Variants in SUPT20H observed in about 807,000 individuals in gnomAD.
SUPT20H encodes the protein transcription factor SPT20 homolog.
A neutral mutation model predicts 122.8 loss-of-function variants in SUPT20H; 82 were observed. That is an observed-to-expected ratio of 0.67 (90% CI 0.56 to 0.80). SUPT20H has a LOEUF of 0.80. Among genes scored for constraint, SUPT20H ranks in the 30% least tolerant of loss-of-function variants. The pLI is 0.00. For synonymous variants in SUPT20H, 291 were observed against 313.0 expected (o/e 0.93, Z 0.74); for missense variants, 831 against 921.6 (o/e 0.90, Z 1.27).
intron 23 of SUPT20H, among the ~76,000 whole-genome samples, chr13:37,015,572 T>C (rs192422782): frequency 2.0e-5 from 3 of 151,922 alleles, no homozygotes; most frequent in African/African-American, 4.8e-5. Flanking sequence ...GATCTCTGTA[T>C]GTTGTTGATG....
At chr13:37,020,537 C>A (rs2061330471) in intron 21 of SUPT20H, among the ~76,000 whole-genome samples, 1 of 152,108 alleles carries the variant, frequency 6.6e-6, no homozygotes, top group South Asian at 2.1e-4. Context: ...ACTGGTACAA[C>A]TAGTAGTTAC....
At chr13:37,017,224 G>A in intron 23 of SUPT20H, 21 bp downstream of exon 23, 1 of 1,613,910 alleles carries the variant, frequency 6.2e-7, no homozygotes, top group Non-Finnish European at 8.5e-7. Flanking sequence ...AAAAGCATAT[G>A]GAAGGCTAGA....
chr13:37,012,500 C>T, intron 23 of SUPT20H: 1 of 424,272 alleles, frequency 2.4e-6, no homozygotes, highest in South Asian at 3.9e-5. Context: ...CTTCATTTTT[C>T]AGTGCATCTG....
intron 1 of SUPT20H, among the ~76,000 whole-genome samples, chr13:37,057,973 CA>C (rs34624589): frequency 3.7e-4 from 36 of 98,036 alleles, no homozygotes; most frequent in Admixed American, 9.3e-4. Flanking sequence ...GACTCCGTCT[CA>C]AAAAAAAAAA....
chr13:37,040,811 T>C, intron 7 of SUPT20H, 119 bp from the exon 8 acceptor site: 3 of 694,640 alleles, frequency 4.3e-6, no homozygotes, highest in Non-Finnish European at 7.6e-6. Flanking sequence ...CTCATGTATG[T>C]ACTCTTCAGT....
Position 37,025,304 on chromosome 13 carries a change from CAT to C in SUPT20H, c.1329+14_1329+15del. On this transcript the variant is annotated intron_variant, in intron 17 of 25. Transcript: ENST00000350612. ...GAAACAACTGGGCACAAAGAAGTAACATTAATGAAACACACATCTGTTTCTTT... is the reference window on the plus strand; with the variant it reads ...GAAACAACTGGGCACAAAGAAGTAACTAATGAAACACACATCTGTTTCTTT... 6.4e-7 allele frequency: 1 copy of C among 1,565,572 alleles called. No individual in the cohort carries two copies. The highest frequency in any genetic ancestry group is 2.2e-5 in the East Asian group (1 of 44,598).
intron 7 of SUPT20H, 47 bp from the exon 8 acceptor site, chr13:37,040,739 T>A: frequency 6.9e-7 from 1 of 1,443,380 alleles, no homozygotes; most frequent in Non-Finnish European, 9.7e-7. Context: ...TCCAAAAGCC[T>A]AAATAAGTGG....
intron 24 of SUPT20H, 48 bp downstream of exon 24, chr13:37,012,139 ATAGAT>A: frequency 2.9e-6 from 4 of 1,396,314 alleles, no homozygotes; most frequent in South Asian, 1.2e-5. Context: ...GAGATCCCAA[ATAGAT>A]TAGATATGTT....
rs770013015 is a variant in SUPT20H, at chr13:37,029,755, G to A, written c.993+10C>T. On this transcript the variant is annotated intron_variant, in intron 13 of 25. Coordinates refer to ENST00000350612, the MANE Select transcript of SUPT20H (RefSeq NM_001014286.3). ...ATAATTAGAAACAGAGACAGGCAATGATTTCTTACATGGGCTGGCCAGACT... is the reference window on the plus strand; with the variant it reads ...ATAATTAGAAACAGAGACAGGCAATAATTTCTTACATGGGCTGGCCAGACT... The A allele has an allele frequency of 6.3e-7, 1 of 1,593,384 alleles. No homozygotes were observed. The highest frequency in any genetic ancestry group is 8.5e-7 in the Non-Finnish European group (1 of 1,171,448).
At chr13:37,044,053 C>T (rs759924603) in intron 7 of SUPT20H, 25 bp downstream of exon 7, 4 of 1,510,798 alleles carry the variant, frequency 2.6e-6, no homozygotes, top group Non-Finnish European at 3.7e-6. Flanking sequence ...AATATAAAGA[C>T]ATTTTAAAGA....
intron 9 of SUPT20H, chr13:37,038,922 T>C (rs1002807228): frequency 2.6e-5 from 4 of 152,210 alleles, no homozygotes; most frequent in African/African-American, 9.7e-5. Context: ...TGGTGAAGCT[T>C]GAGTGGAAGA....
chr13:37,019,445 C>T (rs1323012189), intron 21 of SUPT20H, 48 bp from the exon 22 acceptor site: 4 of 1,352,590 alleles, frequency 3.0e-6, no homozygotes, highest in Non-Finnish European at 3.1e-6. Flanking sequence ...GTTTATTACA[C>T]ATGAAAATAA....
intron 13 of SUPT20H, among the ~76,000 whole-genome samples, chr13:37,028,597 T>C (rs2062738245): frequency 6.6e-6 from 1 of 152,158 alleles, no homozygotes; most frequent in Non-Finnish European, 1.5e-5. Flanking sequence ...TTATTAGACA[T>C]ATTGATATAC....
chr13:37,015,369 C>G (rs1233578464), intron 23 of SUPT20H, among the ~76,000 whole-genome samples: 1 of 147,892 alleles, frequency 6.8e-6, no homozygotes, highest in Non-Finnish European at 1.5e-5. Context: ...AAAGATGGTA[C>G]ACAAATGGCC....
At chr13:37,051,816 C>A (rs1002855696) in intron 1 of SUPT20H, among the ~76,000 whole-genome samples, 1 of 152,100 alleles carries the variant, frequency 6.6e-6, no homozygotes, top group African/African-American at 2.4e-5. Flanking sequence ...TGCCAAGTTA[C>A]AATTATTACT....
rs777383004 is a variant in SUPT20H at position 37,040,604 on chromosome 13, C to T, written c.485G>A (p.Arg162Gln). ...CATTGTTGGACGTAAGAGAATGTGC[C>T]GACTTTGGTAACCAGGAGATTTCAT... Reference protein sequence around the residue: ...SNMKSPGYQSRHILLRPTMQT... With the variant: ...SNMKSPGYQSQHILLRPTMQT... Residue 162 changes from arginine to glutamine, a missense_variant, in exon 8 of 26, where the codon CGG becomes CAG. By Grantham distance (43) the Arg-to-Gln change is conservative. Transcript: ENST00000350612. The T allele has an allele frequency of 1.3e-5, 21 of 1,613,918 alleles. No individual in the cohort carries two copies. The Admixed American group carries it at 2.3e-4, about 18-fold the overall frequency.
At chr13:37,012,391 G>A in intron 23 of SUPT20H, 94 bp from the exon 24 acceptor site, 1 of 929,554 alleles carries the variant, frequency 1.1e-6, no homozygotes, top group Non-Finnish European at 1.7e-6. Context: ...ATGAAAGAAA[G>A]CAGTATTAGA....
chr13:37,022,559 T>A lies in SUPT20H; in HGVS notation c.1592-479A>T, dbSNP rs1392594741. 1 of 1,193,586 alleles carries A rather than the reference T, an allele frequency of 8.4e-7. No homozygotes were observed. The highest frequency in any genetic ancestry group is 4.2e-5 in the Admixed American group (1 of 23,670). 73.9% of individuals were successfully genotyped at this position (1,193,586 alleles called of 1,614,324 possible). On this transcript the variant is annotated intron_variant, in intron 19 of 25. Coordinates refer to ENST00000350612, the MANE Select transcript of SUPT20H (RefSeq NM_001014286.3). The surrounding 1 kb of genome is among the most constrained non-coding windows in gnomAD (Gnocchi z 4.5). Reference sequence around the variant, plus strand: ...GATGCTATTGCAGTAACAGTAAAAATATACAGTTATATTCTACCACAATAC... The same window carrying A: ...GATGCTATTGCAGTAACAGTAAAAAAATACAGTTATATTCTACCACAATAC...
chr13:37,016,830 A>G (rs6563507), intron 23 of SUPT20H, among the ~76,000 whole-genome samples: 138,093 of 152,228 alleles, frequency 0.91, 62,757 homozygotes, highest in East Asian at 1. Flanking sequence ...CAGTGTACAC[A>G]TTTGTTTTTG....
Sources: gnomAD v4.1 joint callset for allele counts (sites outside exome capture counted in the v4.1 genomes callset) on GRCh38, gnomAD v4.1.1 for gene constraint, Gnocchi (gnomAD v3.1) non-coding constraint, MANE v1.5 for transcripts, NCBI Gene and HGNC (gene_info 2026-07-23, HGNC 2026-07-21) for gene names.